SLC12A9: variants seen among roughly 807,000 people sequenced by gnomAD.
The protein encoded by SLC12A9 is solute carrier family 12 member 9, also known as CCC-interacting protein 1.
SLC12A9 carries 55 observed loss-of-function variants against 66.0 expected under a neutral mutation model. That is an observed-to-expected ratio of 0.83 (90% CI 0.67 to 1.04). The LOEUF (loss-of-function observed/expected upper bound fraction) is 1.04. Ranked by LOEUF, SLC12A9 falls within the 50% of genes least tolerant of loss-of-function variation. The pLI is 0.00. For synonymous variants in SLC12A9, 577 were observed against 569.0 expected (o/e 1.01, Z -0.20); for missense variants, 1,061 against 1,241.9 (o/e 0.85, Z 2.19).
chr7:100,862,605 C>G lies in SLC12A9; in HGVS notation c.1712-76C>G, dbSNP rs942900125. ...AAGTAGCCATAGCCCTGCCCAGGCC[C>G]GTCTGTGATTTGGACTCTAGGAGAC... On this transcript the variant is annotated intron_variant, in intron 12 of 13. Coordinates refer to ENST00000354161, the MANE Select transcript of SLC12A9 (RefSeq NM_020246.4). The G allele has an allele frequency of 1.7e-5, 26 of 1,561,390 alleles. No individual in the cohort carries two copies. The African/African-American group carries it at 2.0e-4, about 12-fold the overall frequency.
At chr7:100,837,851 ATTTT>A (rs11285489) in intron 1 of SLC12A9, among the ~76,000 whole-genome samples, 226 of 79,606 alleles carry the variant, frequency 2.8e-3, no homozygotes, top group African/African-American at 7.5e-3. Flanking sequence ...ATTTATTTCA[ATTTT>A]TTTTTTTTTT....
chr7:100,836,689 C>G (rs1813665629), intron 1 of SLC12A9, among the ~76,000 whole-genome samples: 2 of 152,146 alleles, frequency 1.3e-5, no homozygotes, highest in Non-Finnish European at 1.5e-5. Flanking sequence ...ATCAGCTGTT[C>G]TTGCAGGAAG....
chr7:100,859,336 A>C (rs1425849188), intron 7 of SLC12A9, 175 bp downstream of exon 7: 1 of 627,628 alleles, frequency 1.6e-6, no homozygotes, highest in Non-Finnish European at 2.8e-6. Context: ...GTACTGTTGC[A>C]GGCACTTAGC....
intron 13 of SLC12A9, among the ~76,000 whole-genome samples, chr7:100,864,069 G>A (rs1023123346): frequency 7.2e-6 from 1 of 138,498 alleles, no homozygotes; most frequent in South Asian, 2.2e-4. Flanking sequence ...AAGCAATTGC[G>A]GTTTTTGCCT....
chr7:100,854,523 G>C (rs1814267696), intron 2 of SLC12A9, 97 bp from the exon 3 acceptor site: 5 of 1,598,012 alleles, frequency 3.1e-6, no homozygotes, highest in Non-Finnish European at 4.3e-6. Context: ...CTCTCTGTGG[G>C]CTTGCATTTA....
In SLC12A9 at chr7:100,866,563, G is replaced by A; in HGVS notation, c.2703G>A (p.Leu901=). Residue 901 remains leucine, a synonymous_variant, in exon 14 of 14, where the codon CTG becomes CTA. Coordinates refer to ENST00000354161, the MANE Select transcript of SLC12A9 (RefSeq NM_020246.4). This position sits in a 1 kb window ranked among gnomAD's most constrained non-coding sequence, Gnocchi z 7.3. ...TAACCCGAGACCTGGGCCCCACGCT[G>A]CTGGTTCATGGGGTCACTCCAGTCA... ...ETLTRDLGPT[L]LVHGVTPVTC... is the part of the protein sequence containing the mutation. The A allele has an allele frequency of 6.3e-7, 1 of 1,588,472 alleles. No individual in the cohort carries two copies. The highest frequency in any genetic ancestry group is 1.1e-5 in the South Asian group (1 of 87,188).
At chr7:100,834,432 A>C (rs74940576) in intron 1 of SLC12A9, among the ~76,000 whole-genome samples, 1 of 152,126 alleles carries the variant, frequency 6.6e-6, no homozygotes, top group Non-Finnish European at 1.5e-5. Flanking sequence ...CCACTTATAC[A>C]ATTTTGGAGA....
chr7:100,829,685 C>A (rs1813505708), intron 1 of SLC12A9, among the ~76,000 whole-genome samples: 1 of 152,180 alleles, frequency 6.6e-6, no homozygotes, highest in South Asian at 2.1e-4. Flanking sequence ...AAACCCCTGC[C>A]CTGCCTTTTG....
intron 1 of SLC12A9, among the ~76,000 whole-genome samples, chr7:100,832,066 A>C (rs1813554244): frequency 6.6e-6 from 1 of 152,188 alleles, no homozygotes; most frequent in South Asian, 2.1e-4. Context: ...ACAATGATGA[A>C]ACCTTAAAAA....
chr7:100,861,958 C>A lies in SLC12A9; in HGVS notation c.1711+47C>A, dbSNP rs1350944592. Reference sequence around the variant, plus strand: ...TCACTCACTCCCATCCTTCTCTCCCCCTACCTTTTTTTTTTTTTTGAGATG... The same window carrying A: ...TCACTCACTCCCATCCTTCTCTCCCACTACCTTTTTTTTTTTTTTGAGATG... On this transcript the variant is annotated intron_variant, in intron 12 of 13. Coordinates refer to ENST00000354161, the MANE Select transcript of SLC12A9 (RefSeq NM_020246.4). This position sits in a 1 kb window ranked among gnomAD's most constrained non-coding sequence, Gnocchi z 5.3. 15 of 1,497,696 alleles carry A rather than the reference C, an allele frequency of 1.0e-5. No individual in the cohort carries two copies. Among genetic ancestry groups the A allele is most frequent in the Non-Finnish European group, 1.3e-5 (15 of 1,123,636 alleles). 92.8% of individuals were successfully genotyped at this position (1,497,696 alleles called of 1,614,324 possible).
At chr7:100,849,611 A>T (rs1262728159), upstream of SLC12A9, among the ~76,000 whole-genome samples, 1 of 150,380 alleles carries the variant, frequency 6.6e-6, no homozygotes, top group Non-Finnish European at 1.5e-5. Context: ...AGCTACTCCA[A>T]GGCTGAGGCA....
intron 1 of SLC12A9, chr7:100,853,552 G>A (rs1308233353): frequency 8.8e-6 from 1 of 113,122 alleles, no homozygotes; most frequent in Non-Finnish European, 1.8e-5. Flanking sequence ...CTGTTTCCTT[G>A]CGGTTGTCTC....
At position 100,854,335 on chromosome 7, in the gene SLC12A9, C is replaced by T; in HGVS notation, c.138C>T (p.Pro46=). ...KLSTFLGVVV[P]TVLSMFSIVV... is the part of the protein sequence containing the mutation. ...CCACCTTCCTGGGTGTGGTGGTGCC[C>T]ACTGTCCTGTCCATGTTCAGCATAG... The change falls in exon 2 of 14, where the codon CCC becomes CCT. Residue 46 remains proline (P), a synonymous_variant. Transcript: ENST00000354161. 1.9e-6 allele frequency: 3 copies of T among 1,613,286 alleles called. No homozygotes were observed. Among genetic ancestry groups the T allele is most frequent in the Non-Finnish European group, 2.5e-6 (3 of 1,179,746 alleles).
chr7:100,862,040 A>G (rs1482476720), intron 12 of SLC12A9, 129 bp downstream of exon 12: 6 of 915,424 alleles, frequency 6.6e-6, no homozygotes, highest in African/African-American at 1.7e-5. Context: ...GCTCACTGCA[A>G]CCTCCACCTC....
Position 100,847,590 on chromosome 7 carries a change from G to C in SLC12A9, n.229-12295G>C, listed in dbSNP as rs1269947200. Among the ~76,000 whole-genome samples, 9 of 152,232 alleles carry C rather than the reference G, an allele frequency of 5.9e-5. No homozygotes were observed. In the East Asian group the frequency reaches 1.7e-3, roughly 29 times the overall value. ...GGTGATGGTGGCTTGGACTTGGGTG[G>C]TAAAATGTGGTTGCAGACTGGTTAT... On this transcript the variant is annotated intron_variant and non_coding_transcript_variant, in intron 1 of 1. Transcript: ENST00000461016.
Position 100,861,607 on chromosome 7 carries a change from TG to T in SLC12A9, c.1536+27del. On this transcript the variant is annotated intron_variant, in intron 11 of 13. Transcript: ENST00000354161. The surrounding 1 kb of genome is among the most constrained non-coding windows in gnomAD (Gnocchi z 5.3). ...CAGGTATGGGGAGCTGGTGGGGCGG[TG>T]GGGAAATGGGAGGTGGTCAAAGAAC... 6.2e-7 allele frequency: 1 copy of T among 1,609,232 alleles called. No individual in the cohort carries two copies.
Position 100,865,584 on chromosome 7 carries a change from C to T in SLC12A9, c.1859-135C>T, listed in dbSNP as rs565743586. On this transcript the variant is annotated intron_variant, in intron 13 of 13. Transcript: ENST00000354161. ...TTTATGCAAATATGCAGAATGTTGC[C>T]GTAAGAGCCCGTACACAGTGGGAAT... 60 of 1,571,204 alleles carry T rather than the reference C, an allele frequency of 3.8e-5. No homozygotes were observed. In the Middle Eastern group the frequency reaches 7.0e-4, roughly 18 times the overall value.
chr7:100,828,142 G>C (rs945327255), intron 1 of SLC12A9, among the ~76,000 whole-genome samples: 1 of 152,214 alleles, frequency 6.6e-6, no homozygotes, highest in Non-Finnish European at 1.5e-5. Context: ...ATTCAGTGTT[G>C]GGGACCTACT....
chr7:100,846,076 G>C (rs1813904949), intron 1 of SLC12A9, among the ~76,000 whole-genome samples: 1 of 152,204 alleles, frequency 6.6e-6, no homozygotes, highest in Non-Finnish European at 1.5e-5. Flanking sequence ...AAGGCAAGTA[G>C]TTGAAGACAT....
Sources: gnomAD v4.1 joint callset for allele counts (sites outside exome capture counted in the v4.1 genomes callset) on GRCh38, gnomAD v4.1.1 for gene constraint, Gnocchi (gnomAD v3.1) non-coding constraint, MANE v1.5 for transcripts, NCBI Gene and HGNC (gene_info 2026-07-23, HGNC 2026-07-21) for gene names.